Variants in TELO2 observed in about 807,000 individuals in gnomAD.
TELO2 encodes telomere maintenance 2.
A neutral mutation model predicts 91.0 loss-of-function variants in TELO2; 71 were observed. The observed-to-expected ratio is 0.78, with a 90% CI of 0.64 to 0.95. The LOEUF is 0.95. Among genes scored for constraint, TELO2 ranks in the 40% least tolerant of loss-of-function variants. The pLI is 0.00. For synonymous variants in TELO2, 584 were observed against 518.9 expected (o/e 1.13, Z -1.71); for missense variants, 1,183 against 1,141.3 (o/e 1.04, Z -0.53).
At chr16:1,501,544 C>A in intron 10 of TELO2, 45 bp downstream of exon 10, 1 of 1,581,360 alleles carries the variant, frequency 6.3e-7, no homozygotes, top group Non-Finnish European at 8.6e-7. Context: ...GCACATCTTA[C>A]TGCTCTGGAT....
chr16:1,495,742 G>A, intron 3 of TELO2, 119 bp downstream of exon 3: 1 of 1,391,282 alleles, frequency 7.2e-7, no homozygotes, highest in Non-Finnish European at 9.6e-7. Flanking sequence ...ATGCCGTCAG[G>A]CAGGTGGGGA....
chr16:1,496,900 T>A, intron 3 of TELO2, 136 bp from the exon 4 acceptor site: 1 of 781,624 alleles, frequency 1.3e-6, no homozygotes, highest in Non-Finnish European at 2.1e-6. Flanking sequence ...GGTAGGCTGA[T>A]GGGCACCAGC....
intron 5 of TELO2, among the ~76,000 whole-genome samples, chr16:1,499,010 C>A (rs533163236): frequency 5.9e-5 from 9 of 152,340 alleles, no homozygotes; most frequent in Non-Finnish European, 8.8e-5. Flanking sequence ...CGCCTCCGCC[C>A]GGGCTGCGGT....
Position 1,507,660 on chromosome 16 carries a change from CG to C in TELO2, c.2352del (p.Arg785AlafsTer6). 6.2e-7 allele frequency: 1 copy of C among 1,602,760 alleles called. No homozygotes were observed. The highest frequency in any genetic ancestry group is 8.5e-7 in the Non-Finnish European group (1 of 1,179,668). ...TCCGTCCTGCTCAGCCTGCCTGCTG[CG>C]CGCCTGCTGGAGGACCTGATGGACG... ...VSSVLLSLPA[A>X]RLLEDLMDEL... is the part of the protein sequence containing the mutation. On this transcript the variant is annotated frameshift_variant, in exon 20 of 21. Transcript: ENST00000262319. LOFTEE classifies it high-confidence loss of function.
In TELO2 at chr16:1,502,118, TC is replaced by T. The variant is rs1317779108; in HGVS notation, c.1546del (p.Arg516GlyfsTer7). 6.2e-7 allele frequency: 1 copy of T among 1,612,986 alleles called. No homozygotes were observed. The highest frequency in any genetic ancestry group is 1.1e-5 in the South Asian group (1 of 91,082). ...AAGAGCAGCAAGGCTCCTGCCTACG[TC>T]CGGGACTGCGTGGAAGGTGGGCACG... ...ELKSSKAPAY[V>X]RDCVEALTTS... On this transcript the variant is annotated frameshift_variant, in exon 12 of 21. Coordinates refer to ENST00000262319, the MANE Select transcript of TELO2 (RefSeq NM_016111.4). LOFTEE classifies it high-confidence loss of function.
intron 15 of TELO2, among the ~76,000 whole-genome samples, chr16:1,504,705 C>A (rs573675248): frequency 2.6e-5 from 4 of 151,162 alleles, no homozygotes; most frequent in African/African-American, 9.7e-5. Context: ...CTACAGGCGC[C>A]CGCCACCACG....
At chr16:1,506,367 C>G (rs1161770230) in intron 17 of TELO2, 38 bp downstream of exon 17, 4 of 1,613,380 alleles carry the variant, frequency 2.5e-6, no homozygotes, top group African/African-American at 1.3e-5. Flanking sequence ...ACTTGGGGGA[C>G]AGGGACCCTG....
At position 1,500,711 on chromosome 16, in the gene TELO2, G is replaced by A. The variant is rs766349967; in HGVS notation, c.1281+12G>A. On this transcript the variant is annotated intron_variant, in intron 9 of 20. Coordinates refer to ENST00000262319, the MANE Select transcript of TELO2 (RefSeq NM_016111.4). ...CCCTGAAATTCCAGGTGAGCGGGCC[G>A]TCCCCTCCGCGTCCCCGTGTGGCTG... is the stretch of plus-strand genomic sequence containing the variant. 216 of 1,611,466 alleles carry A rather than the reference G, an allele frequency of 1.3e-4. 1 individual carries two copies. In the Admixed American group the frequency reaches 3.4e-3, roughly 25 times the overall value.
Position 1,509,821 on chromosome 16 carries a change from G to A in TELO2, c.2408-9G>A, listed in dbSNP as rs192700790. The A allele has an allele frequency of 2.0e-5, 32 of 1,608,898 alleles. No homozygotes were observed. The East Asian group carries it at 4.0e-4, about 20-fold the overall frequency. ...TGCCTCAGCTTTGCTTGTCACTCTC[G>A]TCTGGCAGACGTGGCTGAGAAAGAC... On this transcript the variant is annotated splice_polypyrimidine_tract_variant and intron_variant, in intron 20 of 20. Transcript: ENST00000262319.
At chr16:1,496,903 G>T in intron 3 of TELO2, 133 bp from the exon 4 acceptor site, 1 of 800,316 alleles carries the variant, frequency 1.2e-6, no homozygotes, top group South Asian at 1.7e-5. Context: ...AGGCTGATGG[G>T]CACCAGCCGT....
Position 1,503,469 on chromosome 16 carries a change from C to T in TELO2, c.1842+467C>T, listed in dbSNP as rs117440880. Among the ~76,000 whole-genome samples the T allele has an allele frequency of 1.2e-3, 184 of 152,132 alleles. No homozygotes were observed. The East Asian group carries it at 0.034, about 28-fold the overall frequency. ...GGGAGGCTGGGGTGGGAGGATCCCT[C>T]GAACCCAGGAGGTGGAGGCCGCAGT... On this transcript the variant is annotated intron_variant, in intron 15 of 20. Transcript: ENST00000262319.
chr16:1,509,259 C>A (rs999095715), intron 20 of TELO2, among the ~76,000 whole-genome samples: 1 of 152,134 alleles, frequency 6.6e-6, no homozygotes, highest in Non-Finnish European at 1.5e-5. Flanking sequence ...TTCACAGGCA[C>A]CTCCCACAAG....
chr16:1,495,593 G>A lies in TELO2; in HGVS notation c.583G>A (p.Val195Met), dbSNP rs780098405. Residue 195 changes from valine to methionine, a missense_variant, in exon 3 of 21, where the codon GTG (valine) becomes ATG (methionine). By Grantham distance (21) the Val-to-Met change is conservative. Coordinates refer to ENST00000262319, the MANE Select transcript of TELO2 (RefSeq NM_016111.4). Reference sequence around the variant, plus strand: ...CCTGCTCGGCGAGGAGGTCGTCCGGGTGCTGCAGGCGGTTGTGGACTCTCT... The same window carrying A: ...CCTGCTCGGCGAGGAGGTCGTCCGGATGCTGCAGGCGGTTGTGGACTCTCT... Reference protein sequence around the residue: ...FRLLGEEVVRVLQAVVDSLQG... With the variant: ...FRLLGEEVVRMLQAVVDSLQG... 8 of 1,605,886 alleles carry A rather than the reference G, an allele frequency of 5.0e-6. No individual in the cohort carries two copies. The highest frequency in any genetic ancestry group is 2.7e-5 in the African/African-American group (2 of 74,838).
Position 1,509,986 on chromosome 16 carries a change from CTGAGCAGCGGCCT to C in TELO2, c.*51_*63del, listed in dbSNP as rs1307174491. On this transcript the variant is annotated 3_prime_UTR_variant, in exon 21 of 21. Coordinates refer to ENST00000262319, the MANE Select transcript of TELO2 (RefSeq NM_016111.4). ...CCCTCGCCGACAGCAAGGCAGGCGG[CTGAGCAGCGGCCT>C]GGAGCAGCAGAGCCAGGCTTTGTAG... The C allele has an allele frequency of 6.7e-7, 1 of 1,497,730 alleles. No individual in the cohort carries two copies. Among genetic ancestry groups the C allele is most frequent in the African/African-American group, 1.4e-5 (1 of 71,998 alleles). The allele number at this position is 1,497,730 out of a possible 1,614,324, so 92.8% of individuals were successfully genotyped here. A position where few individuals can be genotyped will look rare whatever the true frequency, so the allele number is the denominator to read the frequency against.
In TELO2 at chr16:1,507,366, G is replaced by A. The variant is rs116500468; in HGVS notation, c.2287G>A (p.Asp763Asn). ...EFVWALRFHIDAYVRQGLLSA... is the reference protein window; with the variant it reads ...EFVWALRFHINAYVRQGLLSA... ...CGTGTGGGCCCTTCGCTTCCACATC[G>A]ATGCGTGAGTGGCCTGTGGGGCTGG... Residue 763 changes from aspartate (D) to asparagine (N), a missense_variant, in exon 19 of 21, where the codon GAT (aspartate) becomes AAT (asparagine). Asp to Asn is a conservative substitution (Grantham distance 23). Coordinates refer to ENST00000262319, the MANE Select transcript of TELO2 (RefSeq NM_016111.4). 4.8e-4 allele frequency: 772 copies of A among 1,610,676 alleles called. 5 individuals carry two copies. In the African/African-American group the frequency reaches 7.9e-3, roughly 16 times the overall value.
intron 6 of TELO2, among the ~76,000 whole-genome samples, chr16:1,499,622 G>A (rs4786165): frequency 0.042 from 6,297 of 149,944 alleles, 402 homozygotes; most frequent in East Asian, 0.17. Flanking sequence ...TGGGGTGGGT[G>A]GGGGATAGGT....
At chr16:1,504,331 G>A (rs1378805001) in intron 15 of TELO2, among the ~76,000 whole-genome samples, 34 of 148,608 alleles carry the variant, frequency 2.3e-4, no homozygotes, top group African/African-American at 8.4e-4. Context: ...TTACGTGGGA[G>A]GCTGAGGCAG....
Position 1,507,150 on chromosome 16 carries a change from G to A in TELO2, c.2226+99G>A, listed in dbSNP as rs1368257641. The A allele has an allele frequency of 1.3e-5, 19 of 1,497,068 alleles. No individual in the cohort carries two copies. In the Admixed American group the frequency reaches 3.8e-4, roughly 30 times the overall value. 92.7% of individuals were successfully genotyped at this position (1,497,068 alleles called of 1,614,324 possible). ...GCCCAGGGATGGGTGTCTGAGGGAG[G>A]GGCTGCCTGTGTGGGCCCCCGGGCA... On this transcript the variant is annotated intron_variant, in intron 18 of 20. Coordinates refer to ENST00000262319, the MANE Select transcript of TELO2 (RefSeq NM_016111.4).
intron 18 of TELO2, 116 bp downstream of exon 18, chr16:1,507,167 C>G (rs1472741259): frequency 4.7e-6 from 7 of 1,480,604 alleles, no homozygotes; most frequent in Middle Eastern, 2.4e-4. Context: ...CTGTGTGGGC[C>G]CCCGGGCAGC....
Sources: allele counts gnomAD v4.1 joint callset (sites outside exome capture counted in the v4.1 genomes callset), GRCh38; gene constraint gnomAD v4.1.1; transcripts MANE v1.5; gene names NCBI Gene and HGNC (gene_info 2026-07-23, HGNC 2026-07-21).